Variants in ARMCX4 observed in about 807,000 individuals in gnomAD.
The protein encoded by ARMCX4 is armadillo repeat containing X-linked 4.
In ARMCX4, 3 loss-of-function variants were observed where a neutral mutation model predicts 34.7. The observed-to-expected ratio is 0.09, with a 90% CI of 0.04 to 0.22. ARMCX4 has a LOEUF of 0.22. Among genes scored for constraint, ARMCX4 ranks in the 10% least tolerant of loss-of-function variants. The probability of loss-of-function intolerance (pLI) is 1.00; values close to 1 mark genes in which losing one functional copy is unlikely to be tolerated. For synonymous variants in ARMCX4, 513 were observed against 632.8 expected, an observed-to-expected ratio of 0.81 and a Z score of 2.84; for missense variants, 1,448 against 1,720.8, an observed-to-expected ratio of 0.84 and a Z score of 2.81.
intron 2 of ARMCX4, among the ~76,000 whole-genome samples, chrX:101,423,304 C>T (rs1555990391): frequency 9.1e-6 from 1 of 110,021 alleles, no homozygotes; most frequent in Non-Finnish European, 1.9e-5. Context: ...TTTTAAAACC[C>T]TTAGAATCTC....
At chrX:101,441,605 C>CAT (rs1331686386) in intron 2 of ARMCX4, among the ~76,000 whole-genome samples, 5 of 110,140 alleles carry the variant, frequency 4.5e-5, no homozygotes, top group Non-Finnish European at 9.5e-5. Flanking sequence ...CACACACACA[C>CAT]ACACCACCAG....
upstream of ARMCX4, among the ~76,000 whole-genome samples, chrX:101,483,349 A>G (rs191947989): frequency 5.8e-3 from 655 of 112,078 alleles, 7 homozygotes; most frequent in African/African-American, 0.02. Context: ...ATCATTTAAT[A>G]GAGTTTGCCA....
At chrX:101,523,884 A>G (rs1256624783) in intron 11 of ARMCX4, among the ~76,000 whole-genome samples, 1 of 111,341 alleles carries the variant, frequency 9.0e-6, no homozygotes, top group East Asian at 2.8e-4. Context: ...CAGTGTATAA[A>G]TATAAATTAT....
chrX:101,422,421 T>G (rs183218860), intron 2 of ARMCX4, among the ~76,000 whole-genome samples: 2 of 110,067 alleles, frequency 1.8e-5, no homozygotes, highest in East Asian at 5.7e-4. Context: ...AAGTGAGTCT[T>G]TCTTGCAGTT....
In ARMCX4 at chrX:101,485,460, G is replaced by A. The variant is rs980622955; in HGVS notation, c.-507G>A. 3 of 682,983 alleles carry A rather than the reference G, an allele frequency of 4.4e-6. No individual in the cohort carries two copies. In the South Asian group the frequency reaches 2.3e-4, roughly 51 times the overall value. 56.3% of individuals were successfully genotyped at this position (682,983 alleles called of 1,213,427 possible). ...GCAGCCTTCGTTGCAGTCGTCACTC[G>A]CATCTGGCTACCAGCTCCCCGCTGC... On this transcript the variant is annotated 5_prime_UTR_variant, in exon 1 of 6. Transcript: ENST00000423738.
At chrX:101,501,199 G>A (rs962022215) in intron 7 of ARMCX4, among the ~76,000 whole-genome samples, 2 of 112,610 alleles carry the variant, frequency 1.8e-5, no homozygotes, top group Non-Finnish European at 3.8e-5. Context: ...GACACAAAAA[G>A]TGCCAGCTTT....
intron 2 of ARMCX4, among the ~76,000 whole-genome samples, chrX:101,425,477 TC>T: frequency 9.2e-6 from 1 of 108,569 alleles, no homozygotes; most frequent in Admixed American, 9.9e-5. Flanking sequence ...CACTGCAACT[TC>T]CGCCTCCCGG....
downstream of ARMCX4, chrX:101,499,219 C>T (rs1378526861): frequency 3.6e-5 from 4 of 111,472 alleles, no homozygotes; most frequent in African/African-American, 6.5e-5. Flanking sequence ...GGATTTAATA[C>T]CCTGGAGAAA....
chrX:101,499,663 A>G (rs959151997), downstream of ARMCX4, among the ~76,000 whole-genome samples: 4 of 112,260 alleles, frequency 3.6e-5, no homozygotes, highest in East Asian at 8.4e-4. Flanking sequence ...AAATACCACA[A>G]TGCACTGCAG....
intron 2 of ARMCX4, among the ~76,000 whole-genome samples, chrX:101,442,992 G>A (rs1555997319): frequency 9.1e-6 from 1 of 109,566 alleles, no homozygotes; most frequent in African/African-American, 3.3e-5. Context: ...TCAGAAGGGC[G>A]TGGTGGCAGG....
chrX:101,482,957 G>A (rs782632929), upstream of ARMCX4, among the ~76,000 whole-genome samples: 88 of 94,412 alleles, frequency 9.3e-4, no homozygotes, highest in African/African-American at 3.5e-3. Context: ...GTGCAGTGGC[G>A]TGATCTAGGC....
At chrX:101,421,355 A>C (rs1480189165) in intron 2 of ARMCX4, among the ~76,000 whole-genome samples, 1 of 111,083 alleles carries the variant, frequency 9.0e-6, no homozygotes, top group African/African-American at 3.3e-5. Flanking sequence ...TTGTACTACA[A>C]TAGCCATGGT....
chrX:101,513,630 C>T (rs1040412637), intron 11 of ARMCX4, among the ~76,000 whole-genome samples: 16 of 111,740 alleles, frequency 1.4e-4, no homozygotes, highest in African/African-American at 4.6e-4. Context: ...ATGACAATTA[C>T]AGTCCTCATT....
downstream of ARMCX4, among the ~76,000 whole-genome samples, chrX:101,534,765 G>C (rs782269370): frequency 9.0e-6 from 1 of 110,992 alleles, no homozygotes; most frequent in East Asian, 2.8e-4. Context: ...AAATGTATCG[G>C]CACTGAACAA....
chrX:101,481,320 A>G (rs1194442354), upstream of ARMCX4, among the ~76,000 whole-genome samples: 1 of 112,205 alleles, frequency 8.9e-6, no homozygotes, highest in Non-Finnish European at 1.9e-5. Flanking sequence ...TCAATGTAGT[A>G]TTCAATAAAT....
chrX:101,465,490 A>G (rs1303289863), intron 4 of ARMCX4, among the ~76,000 whole-genome samples: 2 of 112,271 alleles, frequency 1.8e-5, no homozygotes, highest in East Asian at 5.5e-4. Flanking sequence ...AGATCAAATA[A>G]TTCTAAATTT....
rs1290228570 is a variant in ARMCX4, at chrX:101,488,916, A to G, written c.327A>G (p.Ala109=). 2.6e-6 allele frequency: 3 copies of G among 1,156,411 alleles called. No homozygotes were observed. Among genetic ancestry groups the G allele is most frequent in the Non-Finnish European group, 3.4e-6 (3 of 873,091 alleles). ...ANSQAKAMVG[A]EPETQSESKV... ...CTCAGGCCAAGGCAATGGTTGGGGC[A>G]GAGCCAGAGACTCAATCTGAGTCCA... Residue 109 remains alanine, a synonymous_variant, in exon 6 of 6, where the codon GCA becomes GCG. Coordinates refer to ENST00000423738, the MANE Select transcript of ARMCX4 (RefSeq NM_001256155.3).
intron 11 of ARMCX4, among the ~76,000 whole-genome samples, chrX:101,529,628 A>G (rs958316147): frequency 1.5e-4 from 17 of 112,280 alleles, no homozygotes; most frequent in Admixed American, 9.4e-5. Context: ...AACTTAAACA[A>G]ATTTACAAGA....
intron 3 of ARMCX4, among the ~76,000 whole-genome samples, chrX:101,444,895 T>G (rs2147571504): frequency 9.0e-6 from 1 of 111,527 alleles, no homozygotes; most frequent in Non-Finnish European, 1.9e-5. Context: ...ATACAATAAT[T>G]ATTATTGACT....
Sources: allele counts gnomAD v4.1 joint callset (sites outside exome capture counted in the v4.1 genomes callset), GRCh38; gene constraint gnomAD v4.1.1; transcripts MANE v1.5; gene names NCBI Gene and HGNC (gene_info 2026-07-23, HGNC 2026-07-21).